The following GALNT2 variants were observed in gnomAD, a reference collection of about 807,000 sequenced individuals.
GALNT2 encodes the protein UDP-GalNAc:polypeptide N-acetylgalactosaminyltransferase 2.
A neutral mutation model predicts 81.4 loss-of-function variants in GALNT2; 31 were observed. The observed-to-expected ratio is 0.38, with a 90% CI of 0.29 to 0.51. GALNT2 has a LOEUF of 0.51. GALNT2 is among the 20% of genes least tolerant of loss of function. GALNT2 has a pLI of 0.87. For missense variants in GALNT2, 629 were observed against 765.7 expected (o/e 0.82, Z 2.11); for synonymous variants, 303 against 287.4 (o/e 1.05, Z -0.55).
chr1:230,089,081 C>T (rs987136824), intron 1 of GALNT2, among the ~76,000 whole-genome samples: 3 of 151,850 alleles, frequency 2.0e-5, no homozygotes, highest in Non-Finnish European at 4.4e-5. Flanking sequence ...TATCAACTTT[C>T]CCCCCCGACA....
intron 3 of GALNT2, among the ~76,000 whole-genome samples, chr1:230,230,373 C>T (rs769305793): frequency 1.6e-4 from 25 of 152,194 alleles, no homozygotes; most frequent in Non-Finnish European, 2.8e-4. Flanking sequence ...GGAAATACCA[C>T]GACCTTGCAT....
Position 230,269,188 on chromosome 1 carries a change from C to CTTT in GALNT2, c.1440+3834_1440+3836dup, listed in dbSNP as rs397972608. 1.9e-3 allele frequency among the ~76,000 whole-genome samples: 204 copies of CTTT among 105,674 alleles called. 8 individuals are homozygous for CTTT. Among genetic ancestry groups the CTTT allele is most frequent in the Non-Finnish European group, 2.4e-3 (127 of 53,330 alleles). The allele number at this position is 105,674 out of a possible 152,430, so 69.3% of individuals were successfully genotyped here. A position where few individuals can be genotyped will look rare whatever the true frequency, so the allele number is the denominator to read the frequency against. On this transcript the variant is annotated intron_variant, in intron 14 of 15. Coordinates refer to ENST00000366672, the MANE Select transcript of GALNT2 (RefSeq NM_004481.5). ...ACGGAGTTTGGCTGTGTTGCCCAGGCTTTTTTTTTTTTTTTGAGACGGAGT... is the reference window on the plus strand; with the variant it reads ...ACGGAGTTTGGCTGTGTTGCCCAGGCTTTTTTTTTTTTTTTTTTGAGACGGAGT...
At chr1:230,274,134 G>A (rs1472933640) in intron 14 of GALNT2, among the ~76,000 whole-genome samples, 1 of 152,180 alleles carries the variant, frequency 6.6e-6, no homozygotes, top group Non-Finnish European at 1.5e-5. Flanking sequence ...ATAGAAAAAT[G>A]AACAAGGCAG....
chr1:230,265,675 CATGT>C (rs1410387372), intron 14 of GALNT2, among the ~76,000 whole-genome samples: 1 of 152,332 alleles, frequency 6.6e-6, no homozygotes, highest in African/African-American at 2.4e-5. Context: ...TCCTCTCGGC[CATGT>C]GCACTCAACC....
At position 230,178,119 on chromosome 1, in the gene GALNT2, C is replaced by T. The variant is rs1663043230; in HGVS notation, c.127-99C>T. 3.4e-6 allele frequency: 3 copies of T among 874,420 alleles called. No individual in the cohort carries two copies. In the East Asian group the frequency reaches 7.7e-5, roughly 22 times the overall value. The allele number at this position is 874,420 out of a possible 1,614,324, so 54.2% of individuals were successfully genotyped here. A position where few individuals can be genotyped will look rare whatever the true frequency, so the allele number is the denominator to read the frequency against. ...CCTGCTCATCAGTGCATCCCCAGGGCCAAGTGTTAACTCTCCTAAGACTCG... is the reference window on the plus strand; with the variant it reads ...CCTGCTCATCAGTGCATCCCCAGGGTCAAGTGTTAACTCTCCTAAGACTCG... On this transcript the variant is annotated intron_variant, in intron 1 of 15. Transcript: ENST00000366672.
upstream of GALNT2, among the ~76,000 whole-genome samples, chr1:230,063,325 A>T (rs2983378): frequency 0.011 from 1,680 of 151,662 alleles, 29 homozygotes; most frequent in African/African-American, 0.039. Flanking sequence ...AAAAAAAAAA[A>T]TTTTATATAA....
chr1:230,126,997 G>A (rs1661203217), intron 1 of GALNT2, among the ~76,000 whole-genome samples: 1 of 152,168 alleles, frequency 6.6e-6, no homozygotes, highest in Non-Finnish European at 1.5e-5. Context: ...CCTCTTCCTG[G>A]TAGTGGGTGA....
intron 1 of GALNT2, among the ~76,000 whole-genome samples, chr1:230,092,893 A>C (rs958680767): frequency 6.6e-6 from 1 of 152,210 alleles, no homozygotes; most frequent in African/African-American, 2.4e-5. Context: ...AAGTGGATGG[A>C]GAATTAAAGA....
intron 6 of GALNT2, among the ~76,000 whole-genome samples, chr1:230,240,717 A>G (rs1665175400): frequency 1.3e-5 from 2 of 149,656 alleles, no homozygotes; most frequent in African/African-American, 4.9e-5. Flanking sequence ...TTTTCTTTAT[A>G]TTTATCCTGC....
At chr1:230,172,616 G>T (rs902686283) in intron 1 of GALNT2, among the ~76,000 whole-genome samples, 3 of 152,280 alleles carry the variant, frequency 2.0e-5, no homozygotes, top group East Asian at 3.9e-4. Flanking sequence ...TGCCTAAGGG[G>T]CTTGCTCATC....
At position 230,070,361 on chromosome 1, in the gene GALNT2, G is replaced by T. The variant is rs1442699357; in HGVS notation, c.126+2955G>T. On this transcript the variant is annotated intron_variant, in intron 1 of 15. Transcript: ENST00000366672. This position sits in a 1 kb window ranked among gnomAD's most constrained non-coding sequence, Gnocchi z 4.7. ...TTTAACCATGTTAAGTCTCCCCTGG[G>T]CTTTGGTACGTTGGCAGTGGATGGA... Among the ~76,000 whole-genome samples, 1 of 152,126 alleles carries T rather than the reference G, an allele frequency of 6.6e-6. No individual in the cohort carries two copies. Among genetic ancestry groups the T allele is most frequent in the Non-Finnish European group, 1.5e-5 (1 of 68,024 alleles).
chr1:230,089,162 T>C (rs1358194637), intron 1 of GALNT2, among the ~76,000 whole-genome samples: 1 of 151,862 alleles, frequency 6.6e-6, no homozygotes, highest in Non-Finnish European at 1.5e-5. Flanking sequence ...TTTTTTTTTT[T>C]TTTTGAGATG....
intron 1 of GALNT2, among the ~76,000 whole-genome samples, chr1:230,153,341 A>G (rs1462499791): frequency 6.6e-6 from 1 of 152,198 alleles, no homozygotes; most frequent in Non-Finnish European, 1.5e-5. Flanking sequence ...TTCTCCTTAC[A>G]TGCGGGAGTG....
chr1:230,062,395 A>C (rs936586561), upstream of GALNT2, among the ~76,000 whole-genome samples: 1 of 152,232 alleles, frequency 6.6e-6, no homozygotes, highest in African/African-American at 2.4e-5. Context: ...TAAATTTACC[A>C]TCATAACCAT....
chr1:230,229,575 G>T (rs1475965085), intron 3 of GALNT2, among the ~76,000 whole-genome samples: 1 of 152,134 alleles, frequency 6.6e-6, no homozygotes, highest in Non-Finnish European at 1.5e-5. Flanking sequence ...TCCTACTTGT[G>T]GGTAAATAAT....
intron 14 of GALNT2, among the ~76,000 whole-genome samples, chr1:230,265,848 AGTATTAATT>A (rs1296023918): frequency 6.6e-6 from 1 of 152,244 alleles, no homozygotes; most frequent in Non-Finnish European, 1.5e-5. Flanking sequence ...GAAGATACTC[AGTATTAATT>A]GCTTCCATTG....
intron 2 of GALNT2, among the ~76,000 whole-genome samples, chr1:230,183,246 G>T (rs560826543): frequency 6.6e-6 from 1 of 152,050 alleles, no homozygotes; most frequent in Non-Finnish European, 1.5e-5. Context: ...ATTTTCTTTG[G>T]TGTATTTAGA....
chr1:230,211,610 A>G (rs1300361251), intron 3 of GALNT2, among the ~76,000 whole-genome samples: 1 of 152,054 alleles, frequency 6.6e-6, no homozygotes, highest in African/African-American at 2.4e-5. Context: ...GTGAGACCCC[A>G]TCTTAAAAAA....
At chr1:230,227,965 G>C (rs1381967543) in intron 3 of GALNT2, among the ~76,000 whole-genome samples, 1 of 152,202 alleles carries the variant, frequency 6.6e-6, no homozygotes, top group Admixed American at 6.5e-5. Flanking sequence ...GAAAATCTAA[G>C]AGAACCTGCA....
Sources: gnomAD v4.1 joint callset for allele counts (sites outside exome capture counted in the v4.1 genomes callset) on GRCh38, gnomAD v4.1.1 for gene constraint, Gnocchi (gnomAD v3.1) non-coding constraint, MANE v1.5 for transcripts, NCBI Gene and HGNC (gene_info 2026-07-23, HGNC 2026-07-21) for gene names.